Variants in SUGCT observed in about 807,000 individuals in gnomAD.
SUGCT encodes succinyl-CoA:glutarate-CoA transferase.
In SUGCT, 41 loss-of-function variants were observed where a neutral mutation model predicts 55.0. That is an observed-to-expected ratio of 0.74 (90% CI 0.58 to 0.97). The LOEUF (loss-of-function observed/expected upper bound fraction) is 0.97, where lower values mean the gene tolerates loss of function less well. Ranked by LOEUF, SUGCT falls within the 50% of genes least tolerant of loss-of-function variation. SUGCT has a pLI of 0.00. For synonymous variants in SUGCT, 187 were observed against 200.4 expected (o/e 0.93, Z 0.56); for missense variants, 568 against 547.8 (o/e 1.04, Z -0.37).
At chr7:40,417,359 A>C (rs1787060565) in intron 9 of SUGCT, among the ~76,000 whole-genome samples, 1 of 151,914 alleles carries the variant, frequency 6.6e-6, no homozygotes, top group Non-Finnish European at 1.5e-5. Context: ...TTCTATAAGC[A>C]AGACTTTATC....
At chr7:40,761,499 G>A (rs1052511778) in intron 13 of SUGCT, among the ~76,000 whole-genome samples, 2 of 152,130 alleles carry the variant, frequency 1.3e-5, no homozygotes, top group African/African-American at 4.8e-5. Context: ...AGTAATAGTT[G>A]TCCCACCACA....
chr7:40,715,660 G>T (rs1785983863), intron 12 of SUGCT, among the ~76,000 whole-genome samples: 1 of 152,138 alleles, frequency 6.6e-6, no homozygotes, highest in Admixed American at 6.5e-5. Flanking sequence ...TATTCAATCA[G>T]TTGCTGAGTC....
intron 12 of SUGCT, among the ~76,000 whole-genome samples, chr7:40,552,433 C>G (rs1485258831): frequency 1.5e-4 from 23 of 152,080 alleles, no homozygotes. Flanking sequence ...GGAGCGGAGT[C>G]CCTGCACCTG....
intron 12 of SUGCT, among the ~76,000 whole-genome samples, chr7:40,643,190 T>G (rs1488597907): frequency 2.0e-5 from 3 of 152,208 alleles, no homozygotes; most frequent in East Asian, 1.9e-4. Flanking sequence ...ATGAGGTATA[T>G]TGCAAGATAA....
chr7:40,182,365 G>A (rs1785260958), intron 3 of SUGCT, among the ~76,000 whole-genome samples: 1 of 152,026 alleles, frequency 6.6e-6, no homozygotes, highest in South Asian at 2.1e-4. Context: ...TCAGGACTTC[G>A]AGACCAGCCT....
At chr7:40,349,056 C>T (rs2151193777) in intron 9 of SUGCT, among the ~76,000 whole-genome samples, 1 of 152,240 alleles carries the variant, frequency 6.6e-6, no homozygotes. Context: ...TAGGTCTTTT[C>T]CACCCTCCTT....
the SUGCT span, among the ~76,000 whole-genome samples, chr7:41,017,826 A>G: frequency 6.6e-6 from 1 of 151,992 alleles, no homozygotes; most frequent in South Asian, 2.1e-4. Flanking sequence ...GCCTGTAAGA[A>G]TCCCCATCCT....
intron 13 of SUGCT, among the ~76,000 whole-genome samples, chr7:40,828,260 C>A (rs1429814698): frequency 6.6e-6 from 1 of 152,102 alleles, no homozygotes. Context: ...AACCTCTATC[C>A]CCAACCCATG....
At chr7:40,217,768 T>C (rs138470044) in intron 6 of SUGCT, among the ~76,000 whole-genome samples, 53 of 152,328 alleles carry the variant, frequency 3.5e-4, no homozygotes, top group South Asian at 1.7e-3. Flanking sequence ...AGGTTACCCT[T>C]GGAACATCTT....
chr7:40,425,750 A>G (rs1476779763), intron 9 of SUGCT, among the ~76,000 whole-genome samples: 1 of 152,068 alleles, frequency 6.6e-6, no homozygotes. Flanking sequence ...TTGTGATCTC[A>G]GGTATGTTCA....
chr7:40,405,393 A>C (rs778916420), intron 9 of SUGCT, among the ~76,000 whole-genome samples: 2 of 152,232 alleles, frequency 1.3e-5, no homozygotes, highest in Admixed American at 6.5e-5. Flanking sequence ...CTTTACCGCT[A>C]AGATAATGTT....
intron 12 of SUGCT, among the ~76,000 whole-genome samples, chr7:40,691,575 C>A (rs1450961112): frequency 6.6e-6 from 1 of 152,134 alleles, no homozygotes; most frequent in African/African-American, 2.4e-5. Context: ...ACCAAGACAG[C>A]CTGCTATATC....
chr7:40,959,716 A>G, the SUGCT span, among the ~76,000 whole-genome samples: 1 of 39,394 alleles, frequency 2.5e-5, no homozygotes, highest in African/African-American at 2.6e-4. Context: ...TGGGGTAGGA[A>G]AAAAAAAAAA....
intron 9 of SUGCT, among the ~76,000 whole-genome samples, chr7:40,366,601 G>T (rs371327092): frequency 6.6e-6 from 1 of 152,086 alleles, no homozygotes; most frequent in African/African-American, 2.4e-5. Flanking sequence ...AAAAGTGGGC[G>T]AAGGATATGA....
At chr7:40,762,069 C>G (rs1018412277) in intron 13 of SUGCT, among the ~76,000 whole-genome samples, 1 of 152,260 alleles carries the variant, frequency 6.6e-6, no homozygotes, top group East Asian at 1.9e-4. Flanking sequence ...ACCAGAAGAG[C>G]TTCATTTGAC....
At chr7:41,006,110 G>A in the SUGCT span, among the ~76,000 whole-genome samples, 2 of 152,150 alleles carry the variant, frequency 1.3e-5, no homozygotes, top group Non-Finnish European at 2.9e-5. Flanking sequence ...AAGCTTTTCA[G>A]TAAAAAGCCC....
chr7:40,292,728 A>G (rs1793865749), intron 8 of SUGCT, among the ~76,000 whole-genome samples: 1 of 152,196 alleles, frequency 6.6e-6, no homozygotes, highest in African/African-American at 2.4e-5. Context: ...CTGGTGCGGT[A>G]TAGTCAGATA....
the SUGCT span, among the ~76,000 whole-genome samples, chr7:41,014,105 A>G: frequency 2.0e-5 from 3 of 152,118 alleles, no homozygotes; most frequent in African/African-American, 4.8e-5. Context: ...ACCAATGCTC[A>G]TTTTCTTCTT....
intron 12 of SUGCT, among the ~76,000 whole-genome samples, chr7:40,748,412 A>T (rs1787842816): frequency 6.6e-6 from 1 of 151,890 alleles, no homozygotes; most frequent in South Asian, 2.1e-4. Context: ...ATTGTATATG[A>T]TTGTTTTTAA....
Sources: gnomAD v4.1 joint callset for allele counts (sites outside exome capture counted in the v4.1 genomes callset) on GRCh38, gnomAD v4.1.1 for gene constraint, MANE v1.5 for transcripts, NCBI Gene and HGNC (gene_info 2026-07-23, HGNC 2026-07-21) for gene names.